Variants in DSG4 observed in about 807,000 individuals in gnomAD.
DSG4 encodes desmoglein-4.
Under a neutral mutation model 93.1 loss-of-function variants are expected in DSG4, and 87 were observed. The observed-to-expected ratio is 0.93, with a 90% CI of 0.79 to 1.12. DSG4 has a LOEUF of 1.12. DSG4 is among the 50% of genes most tolerant of loss of function. The pLI, the probability that DSG4 is intolerant of heterozygous loss-of-function variation, is 0.00. For synonymous variants in DSG4, 432 were observed against 452.9 expected, an observed-to-expected ratio of 0.95 and a Z score of 0.59; for missense variants, 1,373 against 1,285.7, an observed-to-expected ratio of 1.07 and a Z score of -1.04.
chr18:31,377,003 G>A (rs2072084541), intron 1 of DSG4, 44 bp downstream of exon 1: 1 of 1,598,868 alleles, frequency 6.3e-7, no homozygotes, highest in East Asian at 2.2e-5. Flanking sequence ...CAGCCTCAAG[G>A]TCTTGTCTCT....
At chr18:31,384,184 A>T (rs867188702) in intron 1 of DSG4, among the ~76,000 whole-genome samples, 17 of 152,266 alleles carry the variant, frequency 1.1e-4, no homozygotes, top group African/African-American at 2.6e-4. Flanking sequence ...TAATTTTTTT[A>T]AAATTTCATC....
chr18:31,392,060 G>T, intron 7 of DSG4, 95 bp from the exon 8 acceptor site: 1 of 1,206,204 alleles, frequency 8.3e-7, no homozygotes, highest in South Asian at 1.3e-5. Context: ...CATCGACATA[G>T]TTTGTTGTTA....
rs1264436495 is a variant in DSG4 at position 31,388,724 on chromosome 18, G to A, written c.373-150G>A. ...GTATGTTGCATGTACATGTAGTCAAGTGTCCTGATCATATTTAAATTATTT... is the reference window on the plus strand; with the variant it reads ...GTATGTTGCATGTACATGTAGTCAAATGTCCTGATCATATTTAAATTATTT... On this transcript the variant is annotated intron_variant, in intron 4 of 15. Transcript: ENST00000308128. 8 of 1,315,184 alleles carry A rather than the reference G, an allele frequency of 6.1e-6. No individual in the cohort carries two copies. The East Asian group carries it at 1.9e-4, about 31-fold the overall frequency. The allele number at this position is 1,315,184 out of a possible 1,614,324, so 81.5% of individuals were successfully genotyped here.
intron 12 of DSG4, among the ~76,000 whole-genome samples, chr18:31,406,988 G>A (rs979992002): frequency 3.4e-4 from 51 of 152,164 alleles, no homozygotes; most frequent in African/African-American, 1.2e-3. Context: ...ATGATAGCCA[G>A]GATGGTCTTG....
chr18:31,396,544 G>A (rs948810202), intron 8 of DSG4, among the ~76,000 whole-genome samples: 3 of 151,678 alleles, frequency 2.0e-5, no homozygotes, highest in Non-Finnish European at 2.9e-5. Context: ...CAGTAGAGAC[G>A]GGGTTTCACC....
chr18:31,403,746 T>C lies in DSG4; in HGVS notation c.1636+112T>C, dbSNP rs76750328. 3.2e-3 allele frequency: 3,086 copies of C among 966,806 alleles called. 89 individuals are homozygous for C. The East Asian group carries it at 0.045, about 14-fold the overall frequency. 59.9% of individuals were successfully genotyped at this position (966,806 alleles called of 1,614,324 possible). ...ATTCTACTTCTGTTTCCACAGTTCT[T>C]GCCATATTAACATTAAATGAAAAAA... On this transcript the variant is annotated intron_variant, in intron 11 of 15. Transcript: ENST00000308128.
Position 31,403,558 on chromosome 18 carries a change from T to C in DSG4, c.1560T>C (p.Tyr520=). ...TTATCTCTGTTAATGAACATTCTTA[T>C]GGGTCTCCGTTTACTTTCTGTGTTG... The part of the protein sequence containing the change: ...SVLISVNEHS[Y]GSPFTFCVVD... The change falls in exon 11 of 16, where the codon TAT becomes TAC. Residue 520 remains tyrosine, a synonymous_variant. Coordinates refer to ENST00000308128, the MANE Select transcript of DSG4 (RefSeq NM_177986.5). The C allele has an allele frequency of 1.2e-6, 2 of 1,614,104 alleles. No homozygotes were observed. The highest frequency in any genetic ancestry group is 1.7e-6 in the Non-Finnish European group (2 of 1,179,974).
At chr18:31,388,235 G>A (rs1392344439) in intron 3 of DSG4, 132 bp from the exon 4 acceptor site, 2 of 1,001,204 alleles carry the variant, frequency 2.0e-6, no homozygotes, top group Non-Finnish European at 3.0e-6. Flanking sequence ...GGGTCACACA[G>A]GACTAAGTCA....
chr18:31,387,362 C>T (rs2072199348), intron 3 of DSG4, among the ~76,000 whole-genome samples: 1 of 152,172 alleles, frequency 6.6e-6, no homozygotes, highest in Non-Finnish European at 1.5e-5. Flanking sequence ...TTCACTCTTT[C>T]TGGACATCTT....
chr18:31,400,913 T>TA lies in DSG4; in HGVS notation c.1315dup (p.Ile439AsnfsTer2). 2 of 1,612,626 alleles carry TA rather than the reference T, an allele frequency of 1.2e-6. No individual in the cohort carries two copies. Among genetic ancestry groups the TA allele is most frequent in the Non-Finnish European group, 1.7e-6 (2 of 1,179,112 alleles). On this transcript the variant is annotated frameshift_variant, in exon 10 of 16. Transcript: ENST00000308128. LOFTEE classifies it high-confidence loss of function. ...ATAGGGCATGATGCAGGCAGCTGGTTAAAAATTGATTCAAGAACTGGTGAG... is the reference window on the plus strand; with the variant it reads ...ATAGGGCATGATGCAGGCAGCTGGTTAAAAAATTGATTCAAGAACTGGTGAG...
chr18:31,406,268 G>A lies in DSG4; in HGVS notation c.1828G>A (p.Gly610Ser), dbSNP rs773770050. Residue 610 changes from glycine to serine, a missense_variant, in exon 12 of 16, where the codon GGT becomes AGT. Gly to Ser is a moderately conservative substitution (Grantham distance 56). Transcript: ENST00000308128. ...AAGIYTEDITGDTYGPVTEDQ... is the reference protein window; with the variant it reads ...AAGIYTEDITSDTYGPVTEDQ... ...GGGCATCTACACAGAGGACATAACTGGTGACACGTATGGGCCTGTCACTGA... is the reference window on the plus strand; with the variant it reads ...GGGCATCTACACAGAGGACATAACTAGTGACACGTATGGGCCTGTCACTGA... 34 of 1,614,078 alleles carry A rather than the reference G, an allele frequency of 2.1e-5. No homozygotes were observed. The highest frequency in any genetic ancestry group is 2.8e-5 in the Non-Finnish European group (33 of 1,180,046).
At chr18:31,396,963 C>T (rs1239522221) in intron 8 of DSG4, among the ~76,000 whole-genome samples, 2 of 152,160 alleles carry the variant, frequency 1.3e-5, no homozygotes. Flanking sequence ...TTCCTGGAAA[C>T]AGAACATACA....
intron 8 of DSG4, 98 bp downstream of exon 8, chr18:31,392,438 A>G: frequency 7.7e-7 from 1 of 1,292,148 alleles, no homozygotes; most frequent in Non-Finnish European, 1.1e-6. Context: ...AAAAAAAAGT[A>G]CTTCATAACT....
chr18:31,384,063 T>G (rs561529731), intron 1 of DSG4, among the ~76,000 whole-genome samples: 294 of 152,300 alleles, frequency 1.9e-3, no homozygotes, highest in African/African-American at 6.2e-3. Flanking sequence ...TGTCATCTAT[T>G]AATATGAACA....
chr18:31,400,944 A>G lies in DSG4; in HGVS notation c.1341A>G (p.Gln447=), dbSNP rs780410518. The change falls in exon 10 of 16, where the codon CAA becomes CAG. Residue 447 remains glutamine, a synonymous_variant. Transcript: ENST00000308128. ...LKIDSRTGEI[Q]FSREFDKKSK... ...TTGATTCAAGAACTGGTGAGATACA[A>G]TTTTCTAGAGAATTTGATAAGAAGT... 9 of 1,612,528 alleles carry G rather than the reference A, an allele frequency of 5.6e-6. No homozygotes were observed. The highest frequency in any genetic ancestry group is 7.6e-6 in the Non-Finnish European group (9 of 1,179,022).
chr18:31,400,535 A>T (rs1568068504), intron 9 of DSG4, among the ~76,000 whole-genome samples: 2 of 152,214 alleles, frequency 1.3e-5, no homozygotes. Flanking sequence ...AGTATACCAC[A>T]TACAAAAATA....
At chr18:31,401,837 A>T in intron 10 of DSG4, among the ~76,000 whole-genome samples, 1 of 152,222 alleles carries the variant, frequency 6.6e-6, no homozygotes, top group Non-Finnish European at 1.5e-5. Flanking sequence ...CCTTTCCAGT[A>T]TCAAAACAAA....
chr18:31,396,080 A>T (rs1254400095), intron 8 of DSG4, among the ~76,000 whole-genome samples: 1 of 152,144 alleles, frequency 6.6e-6, no homozygotes, highest in East Asian at 1.9e-4. Context: ...TCTCCTTGGT[A>T]TTTATTGATA....
chr18:31,413,719 A>G lies in DSG4; in HGVS notation c.*124A>G. The G allele has an allele frequency of 7.7e-7, 1 of 1,305,174 alleles. No individual in the cohort carries two copies. The highest frequency in any genetic ancestry group is 1.1e-6 in the Non-Finnish European group (1 of 938,244). 80.8% of individuals were successfully genotyped at this position (1,305,174 alleles called of 1,614,324 possible). ...CAAATACTCAGATATTCTAAGGTCA[A>G]TGCCATTATTTGATTATACCATTTT... On this transcript the variant is annotated 3_prime_UTR_variant, in exon 16 of 16. Coordinates refer to ENST00000308128, the MANE Select transcript of DSG4 (RefSeq NM_177986.5).
Sources: allele counts gnomAD v4.1 joint callset (sites outside exome capture counted in the v4.1 genomes callset), GRCh38; gene constraint gnomAD v4.1.1; transcripts MANE v1.5; gene names NCBI Gene and HGNC (gene_info 2026-07-23, HGNC 2026-07-21).